CPSF4L: variants seen among roughly 807,000 people sequenced by gnomAD.
CPSF4L encodes the protein cleavage and polyadenylation specific factor 4 like, also known as putative cleavage and polyadenylation specificity factor subunit 4-like protein.
CPSF4L carries 18 observed loss-of-function variants against 24.0 expected under a neutral mutation model. The observed-to-expected ratio is 0.75, with a 90% CI of 0.52 to 1.11. The LOEUF (loss-of-function observed/expected upper bound fraction) is 1.11, where lower values mean the gene tolerates loss of function less well. Ranked by LOEUF, CPSF4L falls within the 50% of genes least tolerant of loss-of-function variation. The pLI is 0.00. For synonymous variants in CPSF4L, 72 were observed against 77.2 expected, an observed-to-expected ratio of 0.93 and a Z score of 0.35; for missense variants, 211 against 221.8, an observed-to-expected ratio of 0.95 and a Z score of 0.31.
At chr17:73,245,140 C>T (rs74822881), downstream of CPSF4L, 258,023 of 1,611,076 alleles carry the variant, frequency 0.16, 22,345 homozygotes, top group Non-Finnish European at 0.17. Context: ...CCTCTCGGAT[C>T]CTTACATTTG....
downstream of CPSF4L, among the ~76,000 whole-genome samples, chr17:73,244,892 G>C (rs1386061595): frequency 6.6e-6 from 1 of 152,158 alleles, no homozygotes; most frequent in Non-Finnish European, 1.5e-5. Flanking sequence ...GTGCCTTTCT[G>C]ATCGTCCTGC....
At chr17:73,253,890 T>C (rs1489659317) in intron 4 of CPSF4L, 41 bp downstream of exon 4, 4 of 1,409,084 alleles carry the variant, frequency 2.8e-6, no homozygotes, top group Non-Finnish European at 3.9e-6. Flanking sequence ...CCCACCCTGA[T>C]CCCCACAGCC....
downstream of CPSF4L, among the ~76,000 whole-genome samples, chr17:73,247,011 C>T (rs189581670): frequency 5.9e-5 from 9 of 152,244 alleles, no homozygotes; most frequent in Admixed American, 2.6e-4. Context: ...CCCTCTTTCC[C>T]GGTCCCCCAG....
At chr17:73,242,181 G>T in the CPSF4L span, 1 of 1,112,526 alleles carries the variant, frequency 9.0e-7, no homozygotes, top group South Asian at 1.4e-5. Context: ...CTTCGGCACT[G>T]GATGTTAGGG....
chr17:73,243,091 T>TG, the CPSF4L span: 6 of 997,188 alleles, frequency 6.0e-6, no homozygotes, highest in Non-Finnish European at 7.5e-6. Context: ...TTTTTTTTTT[T>TG]TTTTTTTTTT....
At chr17:73,257,251 A>G (rs764859180) in intron 3 of CPSF4L, among the ~76,000 whole-genome samples, 37 of 152,222 alleles carry the variant, frequency 2.4e-4, no homozygotes, top group South Asian at 6.2e-4. Context: ...AAATAGCAAG[A>G]CCGTTGGAAG....
At chr17:73,251,941 T>C (rs984838524) in intron 5 of CPSF4L, among the ~76,000 whole-genome samples, 1 of 152,232 alleles carries the variant, frequency 6.6e-6, no homozygotes, top group Non-Finnish European at 1.5e-5. Flanking sequence ...AGAGAAGTCC[T>C]ACCCTACCCA....
chr17:73,262,605 TTTA>T (rs1219498584), upstream of CPSF4L, among the ~76,000 whole-genome samples: 2 of 152,256 alleles, frequency 1.3e-5, no homozygotes, highest in African/African-American at 4.8e-5. Flanking sequence ...CAAATGTTGT[TTTA>T]TTATTATTAC....
intron 5 of CPSF4L, chr17:73,250,349 T>C (rs904611488): frequency 6.5e-7 from 1 of 1,549,124 alleles, no homozygotes; most frequent in Non-Finnish European, 8.7e-7. Context: ...TAAATTCAGA[T>C]TTCTAAAGAT....
At chr17:73,245,190 G>T (rs191653057), downstream of CPSF4L, 3 of 1,613,646 alleles carry the variant, frequency 1.9e-6, no homozygotes, top group Admixed American at 5.0e-5. Flanking sequence ...GGCGTAAGTA[G>T]TGTTGACCTG....
At chr17:73,243,016 A>T in the CPSF4L span, 1 of 1,596,818 alleles carries the variant, frequency 6.3e-7, no homozygotes, top group Non-Finnish European at 8.6e-7. Flanking sequence ...AAGTCTTTCT[A>T]TATTTCTAGC....
upstream of CPSF4L, among the ~76,000 whole-genome samples, chr17:73,262,754 TCA>T (rs1171387303): frequency 6.6e-6 from 1 of 152,216 alleles, no homozygotes; most frequent in Non-Finnish European, 1.5e-5. Context: ...GCTGCTGTTC[TCA>T]GTCACATTGG....
intron 3 of CPSF4L, among the ~76,000 whole-genome samples, chr17:73,255,439 A>G (rs1166254950): frequency 6.6e-6 from 1 of 150,876 alleles, no homozygotes; most frequent in Admixed American, 6.6e-5. Flanking sequence ...CCTGGGAGGC[A>G]GAGGTTGCAG....
chr17:73,251,809 G>T (rs1339986296), intron 5 of CPSF4L, among the ~76,000 whole-genome samples: 1 of 152,252 alleles, frequency 6.6e-6, no homozygotes, highest in Non-Finnish European at 1.5e-5. Context: ...CAACACTTGG[G>T]TCTATAGAGT....
intron 2 of CPSF4L, among the ~76,000 whole-genome samples, chr17:73,260,519 C>T (rs1250650504): frequency 6.6e-6 from 1 of 152,118 alleles, no homozygotes; most frequent in African/African-American, 2.4e-5. Flanking sequence ...GTAATCCCAG[C>T]ACTTTGGGAG....
At chr17:73,250,896 T>G in intron 5 of CPSF4L, 1 of 1,172,902 alleles carries the variant, frequency 8.5e-7, no homozygotes, top group South Asian at 1.8e-5. Context: ...GGAGTCATTC[T>G]CCAGCTCCCT....
chr17:73,242,239 CAT>C, the CPSF4L span: 1 of 1,564,994 alleles, frequency 6.4e-7, no homozygotes, highest in Non-Finnish European at 8.7e-7. Flanking sequence ...TGTTTGGAAC[CAT>C]AGTTTCTTTG....
intron 2 of CPSF4L, 103 bp downstream of exon 2, chr17:73,260,830 A>G: frequency 2.4e-6 from 2 of 832,294 alleles, no homozygotes; most frequent in East Asian, 5.6e-5. Flanking sequence ...CCCAGGTGCA[A>G]ATTCGACACC....
At chr17:73,262,118 T>C (rs7217428), upstream of CPSF4L, 381,329 of 383,054 alleles carry the variant, frequency 1, 189,833 homozygotes, top group East Asian at 1. Flanking sequence ...CTGCTTATCT[T>C]TGCATGTTAC....
Sources: allele counts gnomAD v4.1 joint callset (sites outside exome capture counted in the v4.1 genomes callset), GRCh38; gene constraint gnomAD v4.1.1; transcripts MANE v1.5; gene names NCBI Gene and HGNC (gene_info 2026-07-23, HGNC 2026-07-21).